SIL1: variants seen among roughly 807,000 people sequenced by gnomAD.
SIL1 encodes the protein nucleotide exchange factor SIL1.
Under a neutral mutation model 49.1 loss-of-function variants are expected in SIL1, and 40 were observed. The ratio of observed to expected loss-of-function variants is 0.81; its 90% CI spans 0.63 to 1.06. SIL1 has a LOEUF of 1.06. Among genes scored for constraint, SIL1 ranks in the 50% least tolerant of loss-of-function variants. The pLI, the probability that SIL1 is intolerant of heterozygous loss-of-function variation, is 0.00. For synonymous variants in SIL1, 253 were observed against 250.8 expected (o/e 1.01, Z -0.08); for missense variants, 500 against 572.6 (o/e 0.87, Z 1.29).
chr5:139,127,837 G>C lies in SIL1; in HGVS notation c.7C>G (p.Pro3Ala), dbSNP rs1160339915. 1 of 1,602,178 alleles carries C rather than the reference G, an allele frequency of 6.2e-7. No homozygotes were observed. Among genetic ancestry groups the C allele is most frequent in the Admixed American group, 1.7e-5 (1 of 58,278 alleles). MA[P>A]QSLPSSRMAP... ...ATCCTAGATGAAGGCAGGCTCTGGG[G>C]AGCCATAGTCAGGGACCTGCAGGTG... The change falls in exon 2 of 10, where the codon CCC (proline) becomes GCC (alanine). Residue 3 changes from proline to alanine, a missense_variant. Pro to Ala is a conservative substitution (Grantham distance 27). Coordinates refer to ENST00000394817, the MANE Select transcript of SIL1 (RefSeq NM_022464.5).
intron 7 of SIL1, among the ~76,000 whole-genome samples, chr5:138,956,042 G>A (rs1766894602): frequency 6.6e-6 from 1 of 152,256 alleles, no homozygotes; most frequent in South Asian, 2.1e-4. Flanking sequence ...TGCCAGGCCA[G>A]ACCAGGACAC....
At chr5:139,112,945 T>G (rs1770901192) in intron 3 of SIL1, among the ~76,000 whole-genome samples, 7 of 152,266 alleles carry the variant, frequency 4.6e-5, no homozygotes, top group Admixed American at 3.9e-4. Context: ...CATTTTGTTC[T>G]GTACTAAGAA....
At chr5:139,151,134 T>A (rs888198638) in intron 1 of SIL1, among the ~76,000 whole-genome samples, 2 of 152,140 alleles carry the variant, frequency 1.3e-5, no homozygotes, top group Admixed American at 6.5e-5. Context: ...CTCAACTCAA[T>A]GGAAACCTTC....
intron 1 of SIL1, among the ~76,000 whole-genome samples, chr5:139,179,874 C>T (rs1418995154): frequency 6.6e-6 from 1 of 151,650 alleles, no homozygotes; most frequent in Non-Finnish European, 1.5e-5. Flanking sequence ...CTGAGCAACA[C>T]AGCAAGATCC....
rs570338668 is a variant in SIL1 at position 139,004,557 on chromosome 5, C to T, written c.767+16614G>A. ...CTCTTTTTTCATTTTTCTGTCTATG[C>T]TGCACTTTAGGTAATTTCTTCCATT... On this transcript the variant is annotated intron_variant, in intron 7 of 9. Transcript: ENST00000394817. Among the ~76,000 whole-genome samples, 10 of 152,152 alleles carry T rather than the reference C, an allele frequency of 6.6e-5. No individual in the cohort carries two copies. The South Asian group carries it at 2.1e-3, about 32-fold the overall frequency.
intron 3 of SIL1, among the ~76,000 whole-genome samples, chr5:139,056,696 G>A (rs1399198767): frequency 1.3e-5 from 2 of 150,518 alleles, no homozygotes; most frequent in African/African-American, 2.5e-5. Context: ...AGGGAGGTGG[G>A]GGCGTCAGCC....
chr5:139,177,311 C>G (rs1434915490), intron 1 of SIL1, among the ~76,000 whole-genome samples: 2 of 152,030 alleles, frequency 1.3e-5, no homozygotes, highest in East Asian at 3.9e-4. Flanking sequence ...ACCATCTCGG[C>G]TCACTGCAAC....
intron 5 of SIL1, among the ~76,000 whole-genome samples, chr5:139,034,092 T>C (rs1444253346): frequency 2.0e-5 from 3 of 152,168 alleles, no homozygotes; most frequent in East Asian, 1.9e-4. Flanking sequence ...TTCCTAATAA[T>C]TTCCTTTAAT....
intron 5 of SIL1, among the ~76,000 whole-genome samples, chr5:139,041,825 A>C (rs1022076265): frequency 4.6e-5 from 7 of 151,960 alleles, no homozygotes; most frequent in East Asian, 1.9e-4. Context: ...AAACAAAAAA[A>C]AAAAAAAACA....
chr5:138,960,102 C>T (rs556150951), intron 7 of SIL1, among the ~76,000 whole-genome samples: 107 of 152,310 alleles, frequency 7.0e-4, no homozygotes, highest in African/African-American at 2.4e-3. Flanking sequence ...ATCTGAATTA[C>T]TTATAAATTA....
chr5:138,971,341 G>T (rs566398117), intron 7 of SIL1, among the ~76,000 whole-genome samples: 1 of 152,092 alleles, frequency 6.6e-6, no homozygotes, highest in South Asian at 2.1e-4. Flanking sequence ...GTGACCTACC[G>T]GCTTGAAATG....
At chr5:138,961,094 T>C (rs1420136861) in intron 7 of SIL1, among the ~76,000 whole-genome samples, 1 of 152,248 alleles carries the variant, frequency 6.6e-6, no homozygotes, top group Non-Finnish European at 1.5e-5. Flanking sequence ...CCTGGTTTTA[T>C]GGAACCCACA....
chr5:139,031,298 AT>A (rs565783094), intron 5 of SIL1, among the ~76,000 whole-genome samples: 303 of 151,864 alleles, frequency 2.0e-3, no homozygotes, highest in African/African-American at 7.0e-3. Flanking sequence ...TTTTGAATTA[AT>A]TTTTTTTAAG....
chr5:139,060,842 C>T (rs929631273), intron 3 of SIL1, among the ~76,000 whole-genome samples: 4 of 152,040 alleles, frequency 2.6e-5, no homozygotes, highest in South Asian at 2.1e-4. Context: ...GTTCTTGGAA[C>T]GTTAGGAAGG....
intron 1 of SIL1, among the ~76,000 whole-genome samples, chr5:139,185,684 A>T (rs992633528): frequency 5.3e-5 from 8 of 152,254 alleles, no homozygotes. Context: ...CTCACTAGAG[A>T]CAAACTGCAC....
At chr5:139,078,381 A>T (rs1355420243) in intron 3 of SIL1, among the ~76,000 whole-genome samples, 1 of 152,156 alleles carries the variant, frequency 6.6e-6, no homozygotes, top group Non-Finnish European at 1.5e-5. Flanking sequence ...GGAATTTAAA[A>T]AAAAAAGGGG....
chr5:138,971,940 T>TAGTCAG, intron 7 of SIL1, among the ~76,000 whole-genome samples: 1 of 152,140 alleles, frequency 6.6e-6, no homozygotes, highest in East Asian at 1.9e-4. Flanking sequence ...CAGTCATCTC[T>TAGTCAG]CTGGCTAAAT....
At chr5:139,000,033 G>C (rs1767954116) in intron 7 of SIL1, among the ~76,000 whole-genome samples, 1 of 152,128 alleles carries the variant, frequency 6.6e-6, no homozygotes, top group Non-Finnish European at 1.5e-5. Flanking sequence ...AGGCATCTTT[G>C]TCTTCTTCCT....
At chr5:139,001,184 C>T (rs1767977326) in intron 7 of SIL1, among the ~76,000 whole-genome samples, 1 of 152,062 alleles carries the variant, frequency 6.6e-6, no homozygotes, top group African/African-American at 2.4e-5. Flanking sequence ...AAAATAGAAA[C>T]TCTAATACAA....
Sources: allele counts gnomAD v4.1 joint callset (sites outside exome capture counted in the v4.1 genomes callset), GRCh38; gene constraint gnomAD v4.1.1; transcripts MANE v1.5; gene names NCBI Gene and HGNC (gene_info 2026-07-23, HGNC 2026-07-21).